TMSB15B: variants seen among roughly 807,000 people sequenced by gnomAD.
TMSB15B encodes the protein thymosin beta-15B.
intron 1 of TMSB15B, chrX:103,928,938 T>C (rs2074977134): frequency 1.0e-5 from 12 of 1,203,963 alleles, no homozygotes; most frequent in Admixed American, 2.2e-5. Flanking sequence ...TAAGGTCCAG[T>C]GTGACATGGG....
At chrX:103,925,063 T>G (rs2074964457) in intron 1 of TMSB15B, among the ~76,000 whole-genome samples, 1 of 112,180 alleles carries the variant, frequency 8.9e-6, no homozygotes, top group Admixed American at 9.4e-5. Context: ...TGTGGAGACA[T>G]AGTGAGGTCC....
At chrX:103,948,232 G>T (rs1556327727) in intron 1 of TMSB15B, among the ~76,000 whole-genome samples, 1 of 112,190 alleles carries the variant, frequency 8.9e-6, no homozygotes, top group Admixed American at 9.4e-5. Context: ...GGGACATACA[G>T]ATTCAAACAC....
intron 1 of TMSB15B, among the ~76,000 whole-genome samples, chrX:103,937,498 G>A (rs1431039182): frequency 8.9e-6 from 1 of 111,786 alleles, no homozygotes; most frequent in African/African-American, 3.3e-5. Flanking sequence ...GTATTTCTGT[G>A]GGATCAGTGG....
At chrX:103,922,648 A>G (rs1435937206) in intron 1 of TMSB15B, among the ~76,000 whole-genome samples, 1 of 111,345 alleles carries the variant, frequency 9.0e-6, no homozygotes, top group African/African-American at 3.3e-5. Context: ...GCTATCGTGA[A>G]TAGTGCTGCA....
At chrX:103,941,000 G>C (rs1271950896) in intron 1 of TMSB15B, among the ~76,000 whole-genome samples, 1 of 110,926 alleles carries the variant, frequency 9.0e-6, no homozygotes, top group Admixed American at 9.5e-5. Context: ...TGGGTGAGGC[G>C]ACACCCCACC....
At chrX:103,935,355 A>G (rs1481369370) in intron 1 of TMSB15B, among the ~76,000 whole-genome samples, 3 of 111,581 alleles carry the variant, frequency 2.7e-5, no homozygotes, top group Non-Finnish European at 5.6e-5. Flanking sequence ...GTTAGATCCC[A>G]TTTGTCAATT....
chrX:103,924,772 G>A (rs2074963469), intron 1 of TMSB15B, among the ~76,000 whole-genome samples: 1 of 111,530 alleles, frequency 9.0e-6, no homozygotes, highest in South Asian at 3.9e-4. Context: ...GACTGGCTCG[G>A]ACAGTCTGGA....
intron 1 of TMSB15B, among the ~76,000 whole-genome samples, chrX:103,940,846 A>G (rs2075010942): frequency 8.9e-6 from 1 of 111,741 alleles, no homozygotes; most frequent in African/African-American, 3.3e-5. Context: ...TGGTGTAGGC[A>G]CCTGAAGGAA....
At chrX:103,945,213 G>C (rs1333017146) in intron 1 of TMSB15B, among the ~76,000 whole-genome samples, 1 of 112,624 alleles carries the variant, frequency 8.9e-6, no homozygotes, top group Admixed American at 9.4e-5. Flanking sequence ...GTAGATGCTT[G>C]TCTTCGTCCA....
At chrX:103,945,416 A>G (rs1469120421) in intron 1 of TMSB15B, among the ~76,000 whole-genome samples, 18 of 112,014 alleles carry the variant, frequency 1.6e-4, no homozygotes, top group Non-Finnish European at 3.8e-5. Context: ...CAAAGAGAGT[A>G]AAACACCAAA....
At chrX:103,940,604 C>G (rs1226122033) in intron 1 of TMSB15B, among the ~76,000 whole-genome samples, 1 of 111,155 alleles carries the variant, frequency 9.0e-6, no homozygotes, top group Non-Finnish European at 1.9e-5. Context: ...CTCCATGAGG[C>G]TGGGATCCGC....
chrX:103,931,328 T>C (rs781911369), intron 1 of TMSB15B: 6 of 112,366 alleles, frequency 5.3e-5, no homozygotes, highest in African/African-American at 1.9e-4. Flanking sequence ...TTTTAACTTC[T>C]TATTTAAAAA....
At chrX:103,942,236 T>C (rs1327293864) in intron 1 of TMSB15B, among the ~76,000 whole-genome samples, 1 of 111,913 alleles carries the variant, frequency 8.9e-6, no homozygotes, top group Non-Finnish European at 1.9e-5. Flanking sequence ...ATTTAAAATT[T>C]TTATGGTTTT....
At chrX:103,936,902 A>T (rs1556322082) in intron 1 of TMSB15B, among the ~76,000 whole-genome samples, 1 of 112,004 alleles carries the variant, frequency 8.9e-6, no homozygotes. Context: ...CTATTGACAT[A>T]ATCATATGGT....
intron 1 of TMSB15B, among the ~76,000 whole-genome samples, chrX:103,944,834 C>T (rs1321042305): frequency 3.6e-5 from 4 of 111,996 alleles, no homozygotes; most frequent in African/African-American, 1.3e-4. Context: ...CTCTCTGTTA[C>T]CCAGGCTGGA....
intron 1 of TMSB15B, among the ~76,000 whole-genome samples, chrX:103,955,430 G>C (rs1216221714): frequency 1.8e-5 from 2 of 110,153 alleles, no homozygotes; most frequent in African/African-American, 6.6e-5. Flanking sequence ...AAAATAGCCA[G>C]TATAGAGAAG....
At position 103,941,226 on chromosome X, in the gene TMSB15B, C is replaced by T. The variant is rs868965557; in HGVS notation, c.-720-20795C>T. 2.1e-4 allele frequency among the ~76,000 whole-genome samples: 24 copies of T among 112,264 alleles called. 1 individual carries two copies. The highest frequency in any genetic ancestry group is 7.8e-4 in the African/African-American group (24 of 30,880). On this transcript the variant is annotated intron_variant, in intron 1 of 3. Coordinates refer to the TMSB15B transcript ENST00000419165. ...GCTATTAAAATGTGTACATATACAA[C>T]ATTTTCTTTATCCATTTATTGATTG...
intron 1 of TMSB15B, chrX:103,928,620 C>T: frequency 1.7e-6 from 2 of 1,164,578 alleles, no homozygotes; most frequent in African/African-American, 1.8e-5. Flanking sequence ...GGGGCTACTA[C>T]CATGGTTTCT....
intron 1 of TMSB15B, among the ~76,000 whole-genome samples, chrX:103,944,233 T>C (rs1400666218): frequency 8.9e-6 from 1 of 112,110 alleles, no homozygotes; most frequent in Admixed American, 9.5e-5. Context: ...ATCAGAGGGA[T>C]GGATAAAATA....
Sources: allele counts gnomAD v4.1 joint callset (sites outside exome capture counted in the v4.1 genomes callset), GRCh38; gene constraint gnomAD v4.1.1; transcripts MANE v1.5; gene names NCBI Gene and HGNC (gene_info 2026-07-23, HGNC 2026-07-21).